ROBO2: variants seen among roughly 807,000 people sequenced by gnomAD.
ROBO2 encodes the protein roundabout guidance receptor 2.
A neutral mutation model predicts 160.8 loss-of-function variants in ROBO2; 53 were observed. The ratio of observed to expected loss-of-function variants is 0.33; its 90% CI spans 0.26 to 0.41. ROBO2 has a LOEUF of 0.41. Among genes scored for constraint, ROBO2 ranks in the 10% least tolerant of loss-of-function variants. The pLI is 1.00. For missense variants in ROBO2, 1,577 were observed against 1,722.4 expected (o/e 0.92, Z 1.49); for synonymous variants, 664 against 611.7 (o/e 1.09, Z -1.26).
At chr3:76,668,934 C>T (rs1258361443) in intron 2 of ROBO2, among the ~76,000 whole-genome samples, 2 of 152,030 alleles carry the variant, frequency 1.3e-5, no homozygotes, top group Admixed American at 6.6e-5. Context: ...AAGAGGGCAA[C>T]CGGAAAATCT....
At chr3:76,365,544 GA>G (rs1243461000) in intron 2 of ROBO2, among the ~76,000 whole-genome samples, 1 of 151,994 alleles carries the variant, frequency 6.6e-6, no homozygotes, top group African/African-American at 2.4e-5. Context: ...GACCTTGAAA[GA>G]CATGCAAGAC....
intron 2 of ROBO2, among the ~76,000 whole-genome samples, chr3:76,125,384 A>G (rs972769531): frequency 6.6e-6 from 1 of 152,118 alleles, no homozygotes; most frequent in Non-Finnish European, 1.5e-5. Flanking sequence ...GCTGGGTCAA[A>G]TGGTAGCTCT....
chr3:77,186,109 ATC>A (rs1415596454), intron 2 of ROBO2, among the ~76,000 whole-genome samples: 1 of 151,990 alleles, frequency 6.6e-6, no homozygotes, highest in Non-Finnish European at 1.5e-5. Context: ...GTGCACCCAA[ATC>A]TCACCATCAC....
intron 2 of ROBO2, among the ~76,000 whole-genome samples, chr3:76,130,781 A>C (rs1298281372): frequency 1.3e-5 from 2 of 152,226 alleles, no homozygotes; most frequent in African/African-American, 4.8e-5. Context: ...TTCTGTAGGC[A>C]GAAAGATTTA....
chr3:76,863,624 C>T (rs547164549), intron 2 of ROBO2, among the ~76,000 whole-genome samples: 61 of 152,020 alleles, frequency 4.0e-4, no homozygotes, highest in African/African-American at 1.4e-3. Context: ...CTCTCTTAGA[C>T]TGTGAATTCC....
At chr3:76,935,164 G>A (rs1296586649) in intron 2 of ROBO2, among the ~76,000 whole-genome samples, 2 of 151,894 alleles carry the variant, frequency 1.3e-5, no homozygotes, top group Non-Finnish European at 2.9e-5. Flanking sequence ...TGTTGCCCAG[G>A]CTGATCTCAA....
intron 2 of ROBO2, among the ~76,000 whole-genome samples, chr3:76,975,147 G>A (rs1000392428): frequency 2.6e-5 from 4 of 152,124 alleles, no homozygotes; most frequent in African/African-American, 9.7e-5. Context: ...TTGTGTACTT[G>A]TGTTCTTGGA....
intron 2 of ROBO2, among the ~76,000 whole-genome samples, chr3:76,992,366 T>C (rs1167673824): frequency 4.1e-5 from 2 of 48,626 alleles, no homozygotes; most frequent in African/African-American, 1.0e-4. Flanking sequence ...TATATATATA[T>C]ATAAATTTAG....
At chr3:76,558,194 C>A (rs147719210) in intron 2 of ROBO2, among the ~76,000 whole-genome samples, 1 of 152,126 alleles carries the variant, frequency 6.6e-6, no homozygotes, top group Admixed American at 6.5e-5. Context: ...CCCGTGTGAA[C>A]TGAAAATGAT....
chr3:76,122,019 A>G (rs959015041), intron 2 of ROBO2, among the ~76,000 whole-genome samples: 4 of 152,236 alleles, frequency 2.6e-5, no homozygotes, highest in Admixed American at 2.0e-4. Flanking sequence ...TACAGTTGAC[A>G]TGAAGGTTAA....
At position 75,958,912 on chromosome 3, in the gene ROBO2, G is replaced by A. The variant is rs557039538; in HGVS notation, c.109+21310G>A. 3.7e-4 allele frequency among the ~76,000 whole-genome samples: 56 copies of A among 151,892 alleles called. 1 individual carries two copies. Among genetic ancestry groups the A allele is most frequent in the African/African-American group, 1.2e-3 (51 of 41,516 alleles). On this transcript the variant is annotated intron_variant, in intron 2 of 26. Coordinates refer to the ROBO2 transcript ENST00000487694. Reference sequence around the variant, plus strand: ...GCTTTTCCCTCTTATAAAGTAAGGAGTATAGATGAGGTGAGGTATCCAATT... The same window carrying A: ...GCTTTTCCCTCTTATAAAGTAAGGAATATAGATGAGGTGAGGTATCCAATT...
intron 2 of ROBO2, among the ~76,000 whole-genome samples, chr3:76,826,052 G>A (rs895696988): frequency 7.1e-6 from 1 of 141,088 alleles, no homozygotes; most frequent in African/African-American, 2.6e-5. Flanking sequence ...TGAGTTTGTG[G>A]GTTTTTTTTT....
At chr3:76,164,255 C>T (rs1375833770) in intron 2 of ROBO2, among the ~76,000 whole-genome samples, 1 of 152,210 alleles carries the variant, frequency 6.6e-6, no homozygotes, top group Non-Finnish European at 1.5e-5. Flanking sequence ...ATTTCTGCTG[C>T]ATCTGCAGTT....
intron 2 of ROBO2, among the ~76,000 whole-genome samples, chr3:76,049,164 G>A (rs1261642694): frequency 6.6e-6 from 1 of 151,776 alleles, no homozygotes; most frequent in African/African-American, 2.4e-5. Flanking sequence ...TGTGTGTAAG[G>A]AGCCCCCTTT....
At chr3:76,842,183 C>T (rs183967999) in intron 2 of ROBO2, among the ~76,000 whole-genome samples, 1 of 152,282 alleles carries the variant, frequency 6.6e-6, no homozygotes, top group African/African-American at 2.4e-5. Flanking sequence ...AAGCTGATGA[C>T]AGAGTCATAA....
rs2080482716 is a variant in ROBO2 at position 76,501,923 on chromosome 3, A to T, written c.109+564321A>T. Among the ~76,000 whole-genome samples the T allele has an allele frequency of 2.0e-5, 3 of 152,266 alleles. No homozygotes were observed. In the South Asian group the frequency reaches 6.2e-4, roughly 32 times the overall value. On this transcript the variant is annotated intron_variant, in intron 2 of 26. Coordinates refer to the ROBO2 transcript ENST00000487694. ...ACACTGTTATTTTTATAGTTTCTGG[A>T]AGAGATTGATCAAAACTTCAACTAT...
intron 2 of ROBO2, among the ~76,000 whole-genome samples, chr3:77,429,194 G>T (rs2078522011): frequency 6.6e-6 from 1 of 152,106 alleles, no homozygotes; most frequent in Admixed American, 6.5e-5. Context: ...CTTGAATGTG[G>T]ACTTGTGGAA....
intron 2 of ROBO2, among the ~76,000 whole-genome samples, chr3:76,778,395 G>T (rs2062416416): frequency 6.6e-6 from 1 of 151,042 alleles, no homozygotes; most frequent in African/African-American, 2.4e-5. Context: ...CTGGATCAGG[G>T]CATTAAATTC....
At chr3:77,516,338 T>C (rs989963835) in intron 5 of ROBO2, among the ~76,000 whole-genome samples, 1 of 151,588 alleles carries the variant, frequency 6.6e-6, no homozygotes, top group African/African-American at 2.4e-5. Context: ...CCTACCAGAA[T>C]TGTTAAAAGT....
Sources: allele counts gnomAD v4.1 joint callset (sites outside exome capture counted in the v4.1 genomes callset), GRCh38; gene constraint gnomAD v4.1.1; transcripts MANE v1.5; gene names NCBI Gene and HGNC (gene_info 2026-07-23, HGNC 2026-07-21).